Variants in PTPRD observed in about 807,000 individuals in gnomAD.
The protein encoded by PTPRD is receptor-type tyrosine-protein phosphatase delta.
In PTPRD, 34 loss-of-function variants were observed where a neutral mutation model predicts 214.5. The observed-to-expected ratio is 0.16, with a 90% CI of 0.12 to 0.21. The LOEUF (loss-of-function observed/expected upper bound fraction) is 0.21. Ranked by LOEUF, PTPRD falls within the 10% of genes least tolerant of loss-of-function variation. The pLI is 1.00. For missense variants in PTPRD, 2,545 were observed against 2,398.7 expected (o/e 1.06, Z -1.27); for synonymous variants, 1,128 against 845.7 (o/e 1.33, Z -5.79).
chr9:9,259,887 T>G (rs1226561392), intron 9 of PTPRD, among the ~76,000 whole-genome samples: 1 of 151,752 alleles, frequency 6.6e-6, no homozygotes, highest in Non-Finnish European at 1.5e-5. Context: ...AAGATGAACT[T>G]AGGAAAAGTG....
At chr9:8,691,917 A>C (rs1321339534) in intron 12 of PTPRD, among the ~76,000 whole-genome samples, 1 of 152,166 alleles carries the variant, frequency 6.6e-6, no homozygotes, top group East Asian at 1.9e-4. Flanking sequence ...CATTCAACTC[A>C]TAATCATGTT....
At chr9:9,543,824 A>G (rs2078144799) in intron 8 of PTPRD, among the ~76,000 whole-genome samples, 1 of 151,712 alleles carries the variant, frequency 6.6e-6, no homozygotes, top group Admixed American at 6.6e-5. Flanking sequence ...ACATGAAAAT[A>G]ACTGCTTTTG....
intron 7 of PTPRD, among the ~76,000 whole-genome samples, chr9:9,676,784 C>T (rs2096939652): frequency 1.3e-5 from 2 of 152,012 alleles, no homozygotes; most frequent in African/African-American, 4.8e-5. Context: ...CTCTCCAGCA[C>T]CTGTTGTTTC....
chr9:10,480,709 A>C (rs962664331), intron 2 of PTPRD, among the ~76,000 whole-genome samples: 1 of 152,134 alleles, frequency 6.6e-6, no homozygotes, highest in African/African-American at 2.4e-5. Context: ...CAGGAAACAA[A>C]AGTAAAAATG....
chr9:9,839,908 A>G (rs1005349380), intron 5 of PTPRD, among the ~76,000 whole-genome samples: 1 of 152,120 alleles, frequency 6.6e-6, no homozygotes, highest in Admixed American at 6.5e-5. Context: ...ATTGATATGC[A>G]TTTTTAAACA....
chr9:9,355,854 A>C (rs1447739988), intron 9 of PTPRD, among the ~76,000 whole-genome samples: 1 of 151,504 alleles, frequency 6.6e-6, no homozygotes, highest in Admixed American at 6.6e-5. Context: ...AGGAAACATG[A>C]AAAGAGAAAC....
chr9:9,429,360 G>A (rs996896253), intron 8 of PTPRD, among the ~76,000 whole-genome samples: 2 of 152,096 alleles, frequency 1.3e-5, no homozygotes, highest in Non-Finnish European at 2.9e-5. Flanking sequence ...GGAAAAAGTT[G>A]AATTCCTGAA....
chr9:8,461,758 C>G (rs1409988799), intron 32 of PTPRD, among the ~76,000 whole-genome samples: 1 of 152,034 alleles, frequency 6.6e-6, no homozygotes, highest in Non-Finnish European at 1.5e-5. Context: ...TCCAACTGCT[C>G]ATGCCCTGCT....
chr9:10,539,828 T>C (rs1164241567), intron 2 of PTPRD, among the ~76,000 whole-genome samples: 1 of 152,176 alleles, frequency 6.6e-6, no homozygotes, highest in African/African-American at 2.4e-5. Flanking sequence ...TCATCACCTC[T>C]TGTTGTATGG....
intron 8 of PTPRD, among the ~76,000 whole-genome samples, chr9:9,421,624 T>C (rs1314432346): frequency 1.3e-5 from 2 of 152,156 alleles, no homozygotes; most frequent in Non-Finnish European, 2.9e-5. Flanking sequence ...GGATTTAATG[T>C]TCTATTTTAA....
intron 5 of PTPRD, among the ~76,000 whole-genome samples, chr9:9,835,585 G>T (rs1439308023): frequency 6.7e-6 from 1 of 149,666 alleles, no homozygotes; most frequent in Non-Finnish European, 1.5e-5. Flanking sequence ...TTAGCAAGCA[G>T]CTCATCTTCT....
At chr9:9,918,399 TA>T (rs1325354683) in intron 5 of PTPRD, among the ~76,000 whole-genome samples, 1 of 112,674 alleles carries the variant, frequency 8.9e-6, no homozygotes, top group East Asian at 2.5e-4. Flanking sequence ...AAAACATTGA[TA>T]AAAATAATTG....
chr9:10,012,815 T>C (rs912156198), intron 4 of PTPRD, among the ~76,000 whole-genome samples: 64 of 151,916 alleles, frequency 4.2e-4, no homozygotes, highest in African/African-American at 1.5e-3. Context: ...TATTGAATCA[T>C]ATGTAATTGG....
At chr9:10,528,382 C>A (rs2055000391) in intron 2 of PTPRD, among the ~76,000 whole-genome samples, 1 of 152,106 alleles carries the variant, frequency 6.6e-6, no homozygotes, top group African/African-American at 2.4e-5. Context: ...ACTGAGTTCA[C>A]ATATATAAAT....
chr9:8,419,211 G>C (rs1303507456), intron 35 of PTPRD, among the ~76,000 whole-genome samples: 2 of 138,348 alleles, frequency 1.4e-5, no homozygotes, highest in Non-Finnish European at 3.1e-5. Flanking sequence ...GGGAGACAAA[G>C]CATGACCCAC....
chr9:9,722,044 GTTTC>G (rs973830589), intron 7 of PTPRD, among the ~76,000 whole-genome samples: 2 of 151,770 alleles, frequency 1.3e-5, no homozygotes, highest in African/African-American at 2.4e-5. Context: ...ATTTATCCCA[GTTTC>G]TTTTTTTTCT....
intron 3 of PTPRD, among the ~76,000 whole-genome samples, chr9:10,182,172 A>C (rs1471583616): frequency 6.7e-6 from 1 of 148,214 alleles, no homozygotes; most frequent in African/African-American, 2.5e-5. Flanking sequence ...AGGCAGGAGA[A>C]TCGCTTGAAC....
intron 2 of PTPRD, among the ~76,000 whole-genome samples, chr9:10,393,148 T>C (rs781082255): frequency 6.6e-6 from 1 of 151,912 alleles, no homozygotes; most frequent in African/African-American, 2.4e-5. Flanking sequence ...TCTATCTTTA[T>C]GCTCAAAATA....
chr9:10,260,633 G>C (rs1430743892), intron 3 of PTPRD, among the ~76,000 whole-genome samples: 1 of 152,160 alleles, frequency 6.6e-6, no homozygotes, highest in Non-Finnish European at 1.5e-5. Context: ...TCATGCAGTA[G>C]TGTGGTAGTG....
Sources: gnomAD v4.1 joint callset for allele counts (sites outside exome capture counted in the v4.1 genomes callset) on GRCh38, gnomAD v4.1.1 for gene constraint, MANE v1.5 for transcripts, NCBI Gene and HGNC (gene_info 2026-07-23, HGNC 2026-07-21) for gene names.